C16orf74: variants seen among roughly 807,000 people sequenced by gnomAD.
The protein encoded by C16orf74 is uncharacterized protein C16orf74.
In C16orf74, 10 loss-of-function variants were observed where a neutral mutation model predicts 6.5. The observed-to-expected ratio is 1.54, with a 90% confidence interval of 0.95 to 2.61. The LOEUF (loss-of-function observed/expected upper bound fraction) is 2.61, where lower values mean the gene tolerates loss of function less well. C16orf74 is among the 30% of genes most tolerant of loss of function. The probability of loss-of-function intolerance (pLI) is 0.00; values close to 1 mark genes in which losing one functional copy is unlikely to be tolerated. For missense variants in C16orf74, 141 were observed against 105.9 expected (o/e 1.33, Z -1.45); for synonymous variants, 60 against 42.5 (o/e 1.41, Z -1.60).
At chr16:85,729,546 T>C (rs1224279719) in intron 2 of C16orf74, among the ~76,000 whole-genome samples, 1 of 152,240 alleles carries the variant, frequency 6.6e-6, no homozygotes, top group African/African-American at 2.4e-5. Flanking sequence ...ACTGACTTAA[T>C]GGGGGCTGAA....
At chr16:85,710,439 G>A (rs2053958583) in intron 2 of C16orf74, 132 bp from the exon 3 acceptor site, 3 of 779,436 alleles carry the variant, frequency 3.8e-6, no homozygotes, top group South Asian at 2.2e-5. Context: ...AGCAAGGAGC[G>A]CAGCTGTCCC....
intron 2 of C16orf74, among the ~76,000 whole-genome samples, chr16:85,718,585 CT>C (rs1324292192): frequency 6.6e-6 from 1 of 152,224 alleles, no homozygotes; most frequent in African/African-American, 2.4e-5. Context: ...ACCTGCAGAA[CT>C]GGGGTAAATA....
chr16:85,715,544 G>A (rs1378651427), intron 2 of C16orf74, among the ~76,000 whole-genome samples: 1 of 152,148 alleles, frequency 6.6e-6, no homozygotes, highest in East Asian at 1.9e-4. Context: ...TCTGCAAGGG[G>A]CCAGGCAGGA....
At chr16:85,718,441 C>T (rs1370405423) in intron 2 of C16orf74, among the ~76,000 whole-genome samples, 1 of 152,240 alleles carries the variant, frequency 6.6e-6, no homozygotes, top group Non-Finnish European at 1.5e-5. Flanking sequence ...ACCACGCCCT[C>T]TTCCCCAAGG....
intron 2 of C16orf74, among the ~76,000 whole-genome samples, chr16:85,721,108 A>G (rs2054078486): frequency 6.6e-6 from 1 of 152,118 alleles, no homozygotes. Context: ...AAAGAAAAAA[A>G]TGAAGCCCAG....
At chr16:85,740,821 G>T (rs1404111829) in intron 1 of C16orf74, among the ~76,000 whole-genome samples, 1 of 47,862 alleles carries the variant, frequency 2.1e-5, no homozygotes, top group Non-Finnish European at 3.7e-5. Context: ...AAGAGAGTGA[G>T]ACCCTCAAAA....
At chr16:85,742,823 G>C (rs543389778) in intron 1 of C16orf74, among the ~76,000 whole-genome samples, 1 of 152,198 alleles carries the variant, frequency 6.6e-6, no homozygotes. Context: ...TTACAGGCGT[G>C]AGCCACGGTG....
intron 1 of C16orf74, among the ~76,000 whole-genome samples, chr16:85,740,866 C>T (rs186368025): frequency 8.8e-5 from 13 of 147,840 alleles, no homozygotes; most frequent in South Asian, 2.1e-4. Context: ...TATACACTGA[C>T]GTGTCTGGGC....
intron 1 of C16orf74, among the ~76,000 whole-genome samples, chr16:85,744,953 C>G (rs952102353): frequency 6.6e-6 from 1 of 151,168 alleles, no homozygotes; most frequent in Non-Finnish European, 1.5e-5. Flanking sequence ...ACCAGCCTGA[C>G]CAACATGCAG....
intron 2 of C16orf74, 50 bp from the exon 3 acceptor site, chr16:85,710,357 C>A (rs369228649): frequency 1.4e-6 from 2 of 1,430,992 alleles, no homozygotes; most frequent in Admixed American, 3.6e-5. Flanking sequence ...GACAGAGAGA[C>A]AGGCATCAGT....
rs764533571 is a variant in C16orf74 at position 85,710,202 on chromosome 16, G to A, written c.134C>T (p.Pro45Leu). ...GTCCCTCGGCAGCATCATGCCCGTG[G>A]GGGTGGGGGGCGTGATGATGATGTC... ...VPDIIITPPT[P>L]TGMMLPRDLG... Residue 45 changes from proline (P) to leucine (L), a missense_variant, in exon 3 of 4, where the codon CCC (proline) becomes CTC (leucine). Coordinates refer to ENST00000284245, the MANE Select transcript of C16orf74 (RefSeq NM_206967.3). The A allele has an allele frequency of 1.3e-6, 2 of 1,492,610 alleles. No individual in the cohort carries two copies. The highest frequency in any genetic ancestry group is 1.8e-6 in the Non-Finnish European group (2 of 1,132,878). The allele number at this position is 1,492,610 out of a possible 1,614,324, so 92.5% of individuals were successfully genotyped here. A position where few individuals can be genotyped will look rare whatever the true frequency, so the allele number is the denominator to read the frequency against.
At chr16:85,745,139 T>TAAAAAAAAAAAA (rs10554549) in intron 1 of C16orf74, among the ~76,000 whole-genome samples, 14 of 51,010 alleles carry the variant, frequency 2.7e-4, no homozygotes, top group African/African-American at 1.3e-3. Flanking sequence ...AAACTCTGTC[T>TAAAAAAAAAAAA]AAAAAAAAAA....
chr16:85,715,800 G>A (rs1030992788), intron 2 of C16orf74, among the ~76,000 whole-genome samples: 2 of 152,176 alleles, frequency 1.3e-5, no homozygotes, highest in African/African-American at 2.4e-5. Context: ...GCAGAACCTC[G>A]AAAGCCTGAG....
At chr16:85,744,777 C>T (rs1451128462) in intron 1 of C16orf74, among the ~76,000 whole-genome samples, 1 of 145,594 alleles carries the variant, frequency 6.9e-6, no homozygotes, top group African/African-American at 2.6e-5. Flanking sequence ...TTGCAGTGAG[C>T]CGAGATCGTG....
intron 1 of C16orf74, among the ~76,000 whole-genome samples, chr16:85,747,504 GAA>G (rs1256112051): frequency 1.3e-5 from 2 of 152,046 alleles, no homozygotes; most frequent in African/African-American, 4.8e-5. Context: ...TACCCATAGG[GAA>G]ACCATGGCTG....
intron 1 of C16orf74, among the ~76,000 whole-genome samples, chr16:85,746,615 G>A (rs2054376067): frequency 6.6e-6 from 1 of 152,202 alleles, no homozygotes; most frequent in African/African-American, 2.4e-5. Context: ...CTCCTGGGAG[G>A]AGGACCCAGA....
chr16:85,736,719 C>T (rs560464606), intron 1 of C16orf74, among the ~76,000 whole-genome samples: 3 of 152,190 alleles, frequency 2.0e-5, no homozygotes, highest in Non-Finnish European at 4.4e-5. Context: ...CATGTGATCA[C>T]GGATAGTTTA....
intron 2 of C16orf74, among the ~76,000 whole-genome samples, chr16:85,721,649 G>A (rs1278635001): frequency 6.6e-6 from 1 of 152,152 alleles, no homozygotes; most frequent in Non-Finnish European, 1.5e-5. Flanking sequence ...TGGGGCTGTC[G>A]GGGGAGCAGG....
intron 1 of C16orf74, among the ~76,000 whole-genome samples, chr16:85,748,349 C>A (rs1260403003): frequency 6.6e-6 from 1 of 151,960 alleles, no homozygotes; most frequent in African/African-American, 2.4e-5. Flanking sequence ...CCTGTAATTC[C>A]AGCAATTTGG....
Sources: allele counts gnomAD v4.1 joint callset (sites outside exome capture counted in the v4.1 genomes callset), GRCh38; gene constraint gnomAD v4.1.1; transcripts MANE v1.5; gene names NCBI Gene and HGNC (gene_info 2026-07-23, HGNC 2026-07-21).